BBX: variants seen among roughly 807,000 people sequenced by gnomAD.
BBX encodes HMG box transcription factor BBX.
In BBX, 30 loss-of-function variants were observed where a neutral mutation model predicts 100.2. The ratio of observed to expected loss-of-function variants is 0.30; its 90% confidence interval spans 0.22 to 0.41. The LOEUF (loss-of-function observed/expected upper bound fraction) is 0.41, where lower values mean the gene tolerates loss of function less well. BBX is among the 10% of genes least tolerant of loss of function. The pLI, the probability that BBX is intolerant of heterozygous loss-of-function variation, is 1.00. For missense variants in BBX, 1,023 were observed against 1,129.8 expected (o/e 0.91, Z 1.35); for synonymous variants, 376 against 388.1 (o/e 0.97, Z 0.37).
chr3:107,718,564 T>G (rs2062288061), intron 5 of BBX, among the ~76,000 whole-genome samples: 1 of 152,000 alleles, frequency 6.6e-6, no homozygotes, highest in Non-Finnish European at 1.5e-5. Flanking sequence ...TGCATAAGCT[T>G]CCTATAATTA....
chr3:107,780,877 A>G (rs1559712470), intron 13 of BBX, among the ~76,000 whole-genome samples: 2 of 152,124 alleles, frequency 1.3e-5, no homozygotes, highest in East Asian at 1.9e-4. Context: ...CCTTTGCATA[A>G]TGAATCATTC....
intron 10 of BBX, among the ~76,000 whole-genome samples, chr3:107,764,704 A>T (rs2066230659): frequency 6.6e-6 from 1 of 152,214 alleles, no homozygotes; most frequent in Non-Finnish European, 1.5e-5. Context: ...ATAAATTGTC[A>T]TTTACTGAGG....
In BBX at chr3:107,638,780, T is replaced by C. The variant is rs62262000; in HGVS notation, c.-83-7056T>C. 4.6e-4 allele frequency among the ~76,000 whole-genome samples: 46 copies of C among 99,876 alleles called. 1 individual carries two copies. Among genetic ancestry groups the C allele is most frequent in the Non-Finnish European group, 7.8e-4 (40 of 51,022 alleles). The allele number at this position is 99,876 out of a possible 152,430, so 65.5% of individuals were successfully genotyped here. ...TACCAAAAAAAAAAAAAAAAAAGTA[T>C]ACACACACACACACACACACACACA... is the stretch of plus-strand genomic sequence containing the variant. On this transcript the variant is annotated intron_variant, in intron 2 of 17. Coordinates refer to ENST00000325805, the MANE Select transcript of BBX (RefSeq NM_001142568.3).
chr3:107,635,772 G>A (rs1306925441), intron 2 of BBX, among the ~76,000 whole-genome samples: 1 of 151,228 alleles, frequency 6.6e-6, no homozygotes, highest in African/African-American at 2.4e-5. Flanking sequence ...GGGTGCAGTG[G>A]CACCATCTCG....
intron 5 of BBX, among the ~76,000 whole-genome samples, 163 bp downstream of exon 5, chr3:107,717,012 T>C (rs1257709170): frequency 6.6e-6 from 1 of 152,166 alleles, no homozygotes; most frequent in Non-Finnish European, 1.5e-5. Context: ...GACTTGTTCC[T>C]GTTCCTGTGT....
chr3:107,770,240 T>G lies in BBX; in HGVS notation c.907-2388T>G, dbSNP rs192720135. Among the ~76,000 whole-genome samples, 198 of 152,266 alleles carry G rather than the reference T, an allele frequency of 1.3e-3. 3 individuals are homozygous for G. The highest frequency in any genetic ancestry group is 3.9e-3 in the East Asian group (20 of 5,176). On this transcript the variant is annotated intron_variant, in intron 10 of 17. Transcript: ENST00000325805. ...TAGAGTTTGCAAAATATTATTAAGT[T>G]TGCTAAGATGAACCTGTGCAAATGC...
intron 3 of BBX, among the ~76,000 whole-genome samples, chr3:107,668,833 C>T (rs1432034396): frequency 6.6e-6 from 1 of 152,152 alleles, no homozygotes. Flanking sequence ...GCTTCCAAGA[C>T]AGTTTTCACG....
chr3:107,625,807 T>G (rs770408224), intron 2 of BBX, among the ~76,000 whole-genome samples: 9 of 152,204 alleles, frequency 5.9e-5, no homozygotes, highest in African/African-American at 1.2e-4. Flanking sequence ...TTTATTTCTC[T>G]TTGTTTTTAT....
In BBX at chr3:107,746,781, T is replaced by C. The variant is rs9868611; in HGVS notation, c.751-1184T>C. Among the ~76,000 whole-genome samples the C allele has an allele frequency of 6.0e-3, 915 of 152,238 alleles. 11 individuals are homozygous for C. The highest frequency in any genetic ancestry group is 0.021 in the African/African-American group (861 of 41,546). Reference sequence around the variant, plus strand: ...CCTGATTCTTTCCCATTCCTAAACATCACTTTTATATGTATAACTACGTGG... The same window carrying C: ...CCTGATTCTTTCCCATTCCTAAACACCACTTTTATATGTATAACTACGTGG... On this transcript the variant is annotated intron_variant, in intron 8 of 17. Coordinates refer to ENST00000325805, the MANE Select transcript of BBX (RefSeq NM_001142568.3).
chr3:107,612,986 C>T (rs898041147), intron 2 of BBX, among the ~76,000 whole-genome samples: 1 of 152,206 alleles, frequency 6.6e-6, no homozygotes, highest in South Asian at 2.1e-4. Context: ...CTCTTCCCTC[C>T]CCTTTCCCCA....
At chr3:107,531,623 A>G (rs1479453335) in intron 2 of BBX, among the ~76,000 whole-genome samples, 1 of 151,436 alleles carries the variant, frequency 6.6e-6, no homozygotes, top group Non-Finnish European at 1.5e-5. Context: ...ATCATGAAAC[A>G]TGGGTATGTT....
chr3:107,746,468 C>G (rs2064605720), intron 8 of BBX, among the ~76,000 whole-genome samples: 1 of 152,076 alleles, frequency 6.6e-6, no homozygotes, highest in African/African-American at 2.4e-5. Context: ...TTATTTCTAC[C>G]TAGTTTGTTA....
At chr3:107,565,711 A>C (rs1307528359) in intron 2 of BBX, among the ~76,000 whole-genome samples, 3 of 150,156 alleles carry the variant, frequency 2.0e-5, no homozygotes, top group Admixed American at 6.6e-5. Flanking sequence ...CTCGTGATCC[A>C]CTGGGATCAT....
intron 3 of BBX, among the ~76,000 whole-genome samples, chr3:107,694,765 G>A (rs191335258): frequency 6.6e-6 from 1 of 151,642 alleles, no homozygotes; most frequent in Non-Finnish European, 1.5e-5. Context: ...GTTTCAGAAG[G>A]AATGGTACCA....
At chr3:107,683,095 T>G (rs945156818) in intron 3 of BBX, among the ~76,000 whole-genome samples, 4 of 152,202 alleles carry the variant, frequency 2.6e-5, no homozygotes, top group African/African-American at 9.6e-5. Flanking sequence ...GTTTGTCATT[T>G]CAGCATGTTT....
At chr3:107,698,643 C>A (rs1266069312) in intron 3 of BBX, among the ~76,000 whole-genome samples, 5 of 132,776 alleles carry the variant, frequency 3.8e-5, no homozygotes, top group Middle Eastern at 3.8e-3. Context: ...CAGAGCGAGA[C>A]TCCATCTCAA....
chr3:107,739,510 GC>G (rs1290417113), intron 7 of BBX, among the ~76,000 whole-genome samples: 3 of 152,136 alleles, frequency 2.0e-5, no homozygotes, highest in Admixed American at 6.6e-5. Flanking sequence ...TGGGGCTCAA[GC>G]CCAGATAATT....
intron 10 of BBX, among the ~76,000 whole-genome samples, chr3:107,756,703 C>T (rs2065504476): frequency 6.6e-6 from 1 of 152,132 alleles, no homozygotes; most frequent in Non-Finnish European, 1.5e-5. Flanking sequence ...ATGGAACAAA[C>T]TACCCCATTG....
chr3:107,608,724 C>G (rs1206378146), intron 2 of BBX, among the ~76,000 whole-genome samples: 1 of 151,956 alleles, frequency 6.6e-6, no homozygotes, highest in Non-Finnish European at 1.5e-5. Context: ...TTTCTTGTGT[C>G]CTTTTTGATT....
Sources: allele counts gnomAD v4.1 joint callset (sites outside exome capture counted in the v4.1 genomes callset), GRCh38; gene constraint gnomAD v4.1.1; transcripts MANE v1.5; gene names NCBI Gene and HGNC (gene_info 2026-07-23, HGNC 2026-07-21).